Variants in DOCK3 observed in about 807,000 individuals in gnomAD.
DOCK3 encodes the protein dedicator of cytokinesis 3.
A neutral mutation model predicts 265.6 loss-of-function variants in DOCK3; 60 were observed. The ratio of observed to expected loss-of-function variants is 0.23; its 90% CI spans 0.18 to 0.28. DOCK3 has a LOEUF of 0.28. Among genes scored for constraint, DOCK3 ranks in the 10% least tolerant of loss-of-function variants. The pLI, the probability that DOCK3 is intolerant of heterozygous loss-of-function variation, is 1.00. For synonymous variants in DOCK3, 881 were observed against 938.0 expected (o/e 0.94, Z 1.11); for missense variants, 1,981 against 2,594.3 (o/e 0.76, Z 5.14).
chr3:51,366,384 CTTT>C (rs1193274628), intron 49 of DOCK3, among the ~76,000 whole-genome samples: 1 of 151,868 alleles, frequency 6.6e-6, no homozygotes, highest in Non-Finnish European at 1.5e-5. Flanking sequence ...CTCTTTTCTT[CTTT>C]ATTAGTCTTG....
At chr3:50,956,522 T>A (rs1040676982) in intron 5 of DOCK3, among the ~76,000 whole-genome samples, 2 of 152,236 alleles carry the variant, frequency 1.3e-5, no homozygotes, top group African/African-American at 4.8e-5. Flanking sequence ...TACCACTACA[T>A]ACTTTTGTCA....
intron 1 of DOCK3, among the ~76,000 whole-genome samples, chr3:50,695,149 T>C (rs2035531778): frequency 6.6e-6 from 1 of 152,242 alleles, no homozygotes; most frequent in African/African-American, 2.4e-5. Context: ...TCACATGCAC[T>C]TCTGTTCAGT....
chr3:51,247,804 C>A (rs2078910646), intron 22 of DOCK3, among the ~76,000 whole-genome samples: 1 of 152,150 alleles, frequency 6.6e-6, no homozygotes, highest in South Asian at 2.1e-4. Context: ...TCCGCAGTAT[C>A]CTAAGGGGAG....
intron 12 of DOCK3, among the ~76,000 whole-genome samples, chr3:51,202,785 C>A (rs959013858): frequency 1.1e-4 from 17 of 151,678 alleles, no homozygotes; most frequent in African/African-American, 3.9e-4. Flanking sequence ...TACTGGCAAA[C>A]CGAATCCAGC....
intron 2 of DOCK3, among the ~76,000 whole-genome samples, chr3:50,803,866 C>T (rs1056969470): frequency 3.3e-5 from 5 of 151,166 alleles, no homozygotes; most frequent in Admixed American, 2.0e-4. Flanking sequence ...CTGGACGGGG[C>T]GGCTGGCCGG....
intron 14 of DOCK3, among the ~76,000 whole-genome samples, chr3:51,216,424 A>G (rs115111855): frequency 0.026 from 4,010 of 152,176 alleles, 168 homozygotes; most frequent in African/African-American, 0.09. Context: ...CAGCTAAGGG[A>G]TCATCATATG....
intron 22 of DOCK3, among the ~76,000 whole-genome samples, chr3:51,254,155 G>A (rs2079416796): frequency 6.6e-6 from 1 of 152,188 alleles, no homozygotes; most frequent in South Asian, 2.1e-4. Context: ...AGGTTGTTCA[G>A]TTTCCATGTA....
rs560450250 is a variant in DOCK3 at position 51,057,542 on chromosome 3, C to G, written c.316-6906C>G. 4.6e-5 allele frequency among the ~76,000 whole-genome samples: 7 copies of G among 152,226 alleles called. No individual in the cohort carries two copies. In the South Asian group the frequency reaches 1.4e-3, roughly 32 times the overall value. Reference sequence around the variant, plus strand: ...TACTTTAATCCACTGAGGAGCAGGTCTCTAAGTAGAAAAGGATTGTTTTTC... The same window carrying G: ...TACTTTAATCCACTGAGGAGCAGGTGTCTAAGTAGAAAAGGATTGTTTTTC... On this transcript the variant is annotated intron_variant, in intron 5 of 52. Coordinates refer to ENST00000266037, the MANE Select transcript of DOCK3 (RefSeq NM_004947.5).
intron 49 of DOCK3, among the ~76,000 whole-genome samples, chr3:51,371,400 A>G (rs999576418): frequency 1.3e-5 from 2 of 152,232 alleles, no homozygotes; most frequent in Non-Finnish European, 2.9e-5. Context: ...CTAGACCACA[A>G]CTTCCATACC....
chr3:50,969,794 G>A (rs1230178278), intron 5 of DOCK3, among the ~76,000 whole-genome samples: 2 of 152,108 alleles, frequency 1.3e-5, no homozygotes, highest in South Asian at 2.1e-4. Flanking sequence ...CTATGAAGCC[G>A]GGCACAGTGG....
Position 51,089,292 on chromosome 3 carries a change from G to C in DOCK3, c.591+8G>C. The C allele has an allele frequency of 6.2e-7, 1 of 1,607,778 alleles. No homozygotes were observed. The highest frequency in any genetic ancestry group is 8.5e-7 in the Non-Finnish European group (1 of 1,177,070). ...CAGCAAAGCACATCCCAGGTAAGCG[G>C]CTTTCCTGGGTCTTCCAGCCTTTCC... On this transcript the variant is annotated splice_region_variant and intron_variant, in intron 8 of 52. Transcript: ENST00000266037.
chr3:51,005,615 T>C (rs539496101), intron 5 of DOCK3, among the ~76,000 whole-genome samples: 15 of 152,338 alleles, frequency 9.8e-5, no homozygotes, highest in Middle Eastern at 3.4e-3. Flanking sequence ...AAAAGACATC[T>C]GGAATTTCTC....
chr3:51,165,190 G>A (rs2086334300), intron 12 of DOCK3, among the ~76,000 whole-genome samples: 1 of 152,292 alleles, frequency 6.6e-6, no homozygotes, highest in Non-Finnish European at 1.5e-5. Flanking sequence ...GCCTCCCAAA[G>A]TGATGGGGTT....
At chr3:51,321,041 C>G (rs892011441) in intron 32 of DOCK3, among the ~76,000 whole-genome samples, 1 of 152,216 alleles carries the variant, frequency 6.6e-6, no homozygotes, top group Non-Finnish European at 1.5e-5. Flanking sequence ...GGAGACATCT[C>G]TCAGTAGGGG....
chr3:51,293,181 C>G (rs2081886010), intron 27 of DOCK3, among the ~76,000 whole-genome samples: 1 of 151,824 alleles, frequency 6.6e-6, no homozygotes. Flanking sequence ...CAACCTTGAC[C>G]AAAAAGAACA....
intron 33 of DOCK3, among the ~76,000 whole-genome samples, chr3:51,330,807 G>A (rs899453589): frequency 2.0e-5 from 3 of 152,114 alleles, no homozygotes; most frequent in Admixed American, 6.6e-5. Flanking sequence ...AGACCCAGGG[G>A]AACTATGGCC....
chr3:50,736,148 G>A (rs937687135), intron 1 of DOCK3, among the ~76,000 whole-genome samples: 1 of 152,108 alleles, frequency 6.6e-6, no homozygotes, highest in African/African-American at 2.4e-5. Flanking sequence ...AGAACATGCA[G>A]TGTTTGTTTT....
chr3:51,242,832 C>T (rs2078667668), intron 21 of DOCK3, among the ~76,000 whole-genome samples: 1 of 152,148 alleles, frequency 6.6e-6, no homozygotes, highest in Admixed American at 6.5e-5. Context: ...AAAGCAAAAC[C>T]TGCCAGTACA....
chr3:50,881,992 C>A (rs1231999267), intron 3 of DOCK3, among the ~76,000 whole-genome samples: 2 of 152,110 alleles, frequency 1.3e-5, no homozygotes, highest in South Asian at 4.1e-4. Flanking sequence ...CTTTGACAAA[C>A]CTGACAAAGA....
Sources: allele counts gnomAD v4.1 joint callset (sites outside exome capture counted in the v4.1 genomes callset), GRCh38; gene constraint gnomAD v4.1.1; transcripts MANE v1.5; gene names NCBI Gene and HGNC (gene_info 2026-07-23, HGNC 2026-07-21).